The following SYTL3 variants were observed in gnomAD, a reference collection of about 807,000 sequenced individuals.
SYTL3 encodes the protein synaptotagmin like 3.
In SYTL3, 88 loss-of-function variants were observed where a neutral mutation model predicts 82.1. The ratio of observed to expected loss-of-function variants is 1.07; its 90% CI spans 0.90 to 1.28. SYTL3 has a LOEUF of 1.28. Among genes scored for constraint, SYTL3 ranks in the 50% most tolerant of loss-of-function variants. SYTL3 has a pLI of 0.00. For synonymous variants in SYTL3, 311 were observed against 289.4 expected, an observed-to-expected ratio of 1.07 and a Z score of -0.76; for missense variants, 831 against 757.6, an observed-to-expected ratio of 1.10 and a Z score of -1.14.
intron 5 of SYTL3, among the ~76,000 whole-genome samples, chr6:158,682,686 A>G (rs548650553): frequency 6.6e-6 from 1 of 152,310 alleles, no homozygotes; most frequent in Non-Finnish European, 1.5e-5. Flanking sequence ...CATTGAACGT[A>G]CACATGACAT....
chr6:158,653,123 G>A (rs753601653), intron 2 of SYTL3, among the ~76,000 whole-genome samples: 2 of 152,192 alleles, frequency 1.3e-5, no homozygotes, highest in Non-Finnish European at 2.9e-5. Context: ...GCAAAAATGA[G>A]TCTTTTAAGC....
chr6:158,697,203 C>T (rs527580134), intron 6 of SYTL3, among the ~76,000 whole-genome samples: 34 of 150,694 alleles, frequency 2.3e-4, no homozygotes, highest in African/African-American at 7.6e-4. Flanking sequence ...CTTTGGAAGG[C>T]CCAGGTGGGT....
At chr6:158,752,111 C>T in intron 13 of SYTL3, 81 bp downstream of exon 13, 1 of 852,252 alleles carries the variant, frequency 1.2e-6, no homozygotes, top group Non-Finnish European at 1.8e-6. Context: ...GTGGATGGTG[C>T]TTTCAAACTC....
chr6:158,671,125 A>G (rs1289758225), intron 5 of SYTL3, among the ~76,000 whole-genome samples: 1 of 152,118 alleles, frequency 6.6e-6, no homozygotes, highest in East Asian at 1.9e-4. Context: ...TTTTAGAAAA[A>G]AAAAGTTTCT....
chr6:158,646,680 C>A (rs962575675), upstream of SYTL3, among the ~76,000 whole-genome samples: 19 of 152,332 alleles, frequency 1.2e-4, no homozygotes, highest in East Asian at 3.7e-3. Flanking sequence ...AGGCTGGTTG[C>A]TTTACCACAC....
intron 5 of SYTL3, among the ~76,000 whole-genome samples, chr6:158,674,500 A>T (rs912535278): frequency 6.6e-6 from 1 of 152,104 alleles, no homozygotes; most frequent in East Asian, 1.9e-4. Flanking sequence ...ATGGCATTTT[A>T]TCGGAAGCTC....
At chr6:158,715,301 A>G (rs956673292) in intron 9 of SYTL3, among the ~76,000 whole-genome samples, 1 of 151,626 alleles carries the variant, frequency 6.6e-6, no homozygotes, top group African/African-American at 2.4e-5. Flanking sequence ...GTTAGCCCCA[A>G]CCCTGTCATC....
chr6:158,648,539 C>G (rs1217993742), upstream of SYTL3, among the ~76,000 whole-genome samples: 1 of 147,898 alleles, frequency 6.8e-6, no homozygotes, highest in African/African-American at 2.5e-5. Context: ...TGCAGTGAGC[C>G]GAGATCGCGC....
At chr6:158,678,989 C>G (rs138232282) in intron 5 of SYTL3, among the ~76,000 whole-genome samples, 133 of 152,224 alleles carry the variant, frequency 8.7e-4, no homozygotes, top group African/African-American at 3.2e-3. Context: ...ATCACACTAC[C>G]CTGTGTTGGC....
chr6:158,668,767 A>AGG (rs1777027498), intron 5 of SYTL3, among the ~76,000 whole-genome samples: 1 of 152,154 alleles, frequency 6.6e-6, no homozygotes, highest in African/African-American at 2.4e-5. Context: ...AGACAGGAAA[A>AGG]GGGGAGGATG....
At chr6:158,758,198 T>G (rs937040132) in intron 14 of SYTL3, among the ~76,000 whole-genome samples, 6 of 152,014 alleles carry the variant, frequency 3.9e-5, no homozygotes, top group Admixed American at 1.3e-4. Flanking sequence ...CCCAGCACTT[T>G]GGGAGGCCGA....
chr6:158,708,228 G>C, intron 7 of SYTL3, 94 bp from the exon 8 acceptor site: 1 of 1,159,084 alleles, frequency 8.6e-7, no homozygotes, highest in South Asian at 1.2e-5. Context: ...CGGAGAACTA[G>C]AATTATAGAA....
At chr6:158,737,145 C>T (rs763580789) in intron 11 of SYTL3, among the ~76,000 whole-genome samples, 30 of 152,028 alleles carry the variant, frequency 2.0e-4, no homozygotes, top group Non-Finnish European at 3.8e-4. Context: ...GCTTACCATG[C>T]ATAGGCATGG....
intron 6 of SYTL3, among the ~76,000 whole-genome samples, chr6:158,685,401 T>C (rs1779189666): frequency 6.6e-6 from 1 of 152,064 alleles, no homozygotes. Flanking sequence ...TTAGTAGAGA[T>C]GGAGTTTCAC....
intron 5 of SYTL3, among the ~76,000 whole-genome samples, chr6:158,680,928 A>G (rs1202373418): frequency 1.3e-5 from 2 of 152,242 alleles, no homozygotes; most frequent in African/African-American, 4.8e-5. Flanking sequence ...GAAAGATAGC[A>G]TATTTTGAAA....
intron 8 of SYTL3, among the ~76,000 whole-genome samples, chr6:158,710,883 C>T (rs761039833): frequency 7.2e-5 from 11 of 151,986 alleles, no homozygotes; most frequent in Middle Eastern, 3.4e-3. Flanking sequence ...CGGGTTCAAG[C>T]GATTCTCCTG....
intron 7 of SYTL3, 118 bp downstream of exon 7, chr6:158,707,399 T>A (rs1782223329): frequency 7.6e-6 from 1 of 132,240 alleles, no homozygotes; most frequent in Non-Finnish European, 1.5e-5. Flanking sequence ...AATGTGACTC[T>A]TTTTTTTTTT....
At chr6:158,725,388 A>T (rs1160630305) in intron 10 of SYTL3, 115 bp from the exon 11 acceptor site, 1 of 1,174,892 alleles carries the variant, frequency 8.5e-7, no homozygotes, top group Non-Finnish European at 1.2e-6. Context: ...CCTCCTACTC[A>T]GAAGTTTGCA....
intron 10 of SYTL3, among the ~76,000 whole-genome samples, chr6:158,723,559 C>T (rs1024706711): frequency 5.3e-5 from 8 of 152,086 alleles, no homozygotes; most frequent in African/African-American, 1.9e-4. Flanking sequence ...ATAAGACTTA[C>T]CATCTGTGCC....
Sources: allele counts gnomAD v4.1 joint callset (sites outside exome capture counted in the v4.1 genomes callset), GRCh38; gene constraint gnomAD v4.1.1; transcripts MANE v1.5; gene names NCBI Gene and HGNC (gene_info 2026-07-23, HGNC 2026-07-21).